Variants in NFIB observed in about 807,000 individuals in gnomAD.
NFIB encodes nuclear factor I B.
NFIB carries 11 observed loss-of-function variants against 61.5 expected under a neutral mutation model. The observed-to-expected ratio is 0.18, with a 90% CI of 0.11 to 0.30. NFIB has a LOEUF of 0.30. Ranked by LOEUF, NFIB falls within the 10% of genes least tolerant of loss-of-function variation. The pLI, the probability that NFIB is intolerant of heterozygous loss-of-function variation, is 1.00. For synonymous variants in NFIB, 260 were observed against 216.5 expected (o/e 1.20, Z -1.76); for missense variants, 471 against 608.9 (o/e 0.77, Z 2.38).
At chr9:14,528,395 G>C in the NFIB span, among the ~76,000 whole-genome samples, 1 of 152,096 alleles carries the variant, frequency 6.6e-6, no homozygotes, top group Non-Finnish European at 1.5e-5. Context: ...CAAATAAAAA[G>C]CACATTACAA....
chr9:14,342,554 T>G (rs1385627294), intron 1 of NFIB, among the ~76,000 whole-genome samples: 1 of 152,172 alleles, frequency 6.6e-6, no homozygotes, highest in Non-Finnish European at 1.5e-5. Context: ...GCTCGTTTAT[T>G]GAACCCAGGC....
chr9:14,491,743 C>T, the NFIB span, among the ~76,000 whole-genome samples: 380 of 152,224 alleles, frequency 2.5e-3, 3 homozygotes, highest in African/African-American at 8.5e-3. Flanking sequence ...CAAAGCCTCC[C>T]CCCTCCATTT....
chr9:14,125,790 A>C, intron 6 of NFIB, 24 bp from the exon 7 acceptor site: 1 of 1,611,830 alleles, frequency 6.2e-7, no homozygotes, highest in African/African-American at 1.3e-5. Context: ...AGAAAAACCC[A>C]AAGCTCCATG....
chr9:14,402,453 T>A (rs533544697), upstream of NFIB, among the ~76,000 whole-genome samples: 1 of 152,206 alleles, frequency 6.6e-6, no homozygotes, highest in Non-Finnish European at 1.5e-5. Flanking sequence ...TTTTTAATTA[T>A]GAGGAAATAA....
intron 2 of NFIB, among the ~76,000 whole-genome samples, chr9:14,215,032 C>T (rs10115397): frequency 0.32 from 47,965 of 152,132 alleles, 14,139 homozygotes; most frequent in African/African-American, 0.77. Context: ...TTACTTTTCA[C>T]TTTTACCTGT....
At chr9:14,267,293 A>C (rs1336649953) in intron 2 of NFIB, among the ~76,000 whole-genome samples, 1 of 152,198 alleles carries the variant, frequency 6.6e-6, no homozygotes, top group Non-Finnish European at 1.5e-5. Flanking sequence ...AAGCCAACCT[A>C]AGGTTAAATC....
At chr9:14,155,931 G>T in intron 3 of NFIB, 38 bp from the exon 4 acceptor site, 2 of 1,288,982 alleles carry the variant, frequency 1.6e-6, no homozygotes, top group Admixed American at 2.2e-5. Flanking sequence ...ATCAATATAA[G>T]CAGAAAGTAA....
chr9:14,427,934 G>GTGGTTTTTTTTTTTTT, the NFIB span, among the ~76,000 whole-genome samples: 1 of 25,946 alleles, frequency 3.9e-5, no homozygotes, highest in East Asian at 1.8e-3. Flanking sequence ...CTTTAATTCA[G>GTGGTTTTTTTTTTTTT]TTGTTTTTTT....
intron 2 of NFIB, among the ~76,000 whole-genome samples, chr9:14,248,818 A>G (rs1013035019): frequency 2.6e-5 from 4 of 152,184 alleles, no homozygotes; most frequent in Non-Finnish European, 5.9e-5. Context: ...TTTCCTCCCC[A>G]CTGGGTTTGC....
intron 2 of NFIB, among the ~76,000 whole-genome samples, chr9:14,249,321 A>G (rs2055308091): frequency 6.6e-6 from 1 of 152,208 alleles, no homozygotes; most frequent in African/African-American, 2.4e-5. Flanking sequence ...TGGAGATGAG[A>G]TACTACCTAA....
At chr9:14,274,726 C>G (rs1547106) in intron 2 of NFIB, among the ~76,000 whole-genome samples, 136,959 of 152,198 alleles carry the variant, frequency 0.9, 61,863 homozygotes, top group Non-Finnish European at 0.94. Flanking sequence ...AGAACTAAGT[C>G]GAACTGGGCT....
chr9:14,117,307 G>A (rs903127222), intron 8 of NFIB, among the ~76,000 whole-genome samples: 4 of 152,144 alleles, frequency 2.6e-5, no homozygotes, highest in Non-Finnish European at 5.9e-5. Context: ...AATAGTTTCC[G>A]TGGTAGGAAA....
At position 14,086,678 on chromosome 9, in the gene NFIB, C is replaced by T. The variant is rs182580365; in HGVS notation, c.*1631G>A. 9 of 213,646 alleles carry T rather than the reference C, an allele frequency of 4.2e-5. No homozygotes were observed. Among genetic ancestry groups the T allele is most frequent in the Admixed American group, 3.5e-4 (6 of 17,078 alleles). 13.2% of individuals were successfully genotyped at this position (213,646 alleles called of 1,614,324 possible). ...ATCCATGATGTCACACATTTTTCTTCGTCTGGAGTACAAAATATTTTGTCA... is the reference window on the plus strand; with the variant it reads ...ATCCATGATGTCACACATTTTTCTTTGTCTGGAGTACAAAATATTTTGTCA... On this transcript the variant is annotated 3_prime_UTR_variant, in exon 11 of 11. Coordinates refer to ENST00000380953, the MANE Select transcript of NFIB (RefSeq NM_001190737.2).
upstream of NFIB, among the ~76,000 whole-genome samples, chr9:14,315,791 T>G (rs1006063672): frequency 2.6e-5 from 4 of 151,628 alleles, no homozygotes; most frequent in South Asian, 8.3e-4. Context: ...TTGGGGTGGA[T>G]GGGGACGAGG....
chr9:14,257,527 G>A (rs2056338807), intron 2 of NFIB, among the ~76,000 whole-genome samples: 1 of 152,162 alleles, frequency 6.6e-6, no homozygotes, highest in Admixed American at 6.5e-5. Context: ...AGGCCAAGGT[G>A]GGTGGATCAC....
At chr9:14,168,776 A>C (rs1172924775) in intron 3 of NFIB, among the ~76,000 whole-genome samples, 8 of 152,226 alleles carry the variant, frequency 5.3e-5, no homozygotes, top group African/African-American at 1.7e-4. Flanking sequence ...AGAGTTATTA[A>C]GATTCAGCAT....
At chr9:14,330,769 C>T (rs2060811033) in intron 1 of NFIB, among the ~76,000 whole-genome samples, 1 of 152,030 alleles carries the variant, frequency 6.6e-6, no homozygotes, top group South Asian at 2.1e-4. Context: ...GAAGCTCGTA[C>T]ATTATGTACA....
At chr9:14,097,220 T>G (rs556700478) in intron 10 of NFIB, among the ~76,000 whole-genome samples, 4 of 152,178 alleles carry the variant, frequency 2.6e-5, no homozygotes, top group Non-Finnish European at 5.9e-5. Flanking sequence ...TACCAAACAA[T>G]GATCATGTGA....
chr9:14,319,353 C>G (rs1400761216), intron 1 of NFIB, among the ~76,000 whole-genome samples: 2 of 152,176 alleles, frequency 1.3e-5, no homozygotes, highest in South Asian at 2.1e-4. Flanking sequence ...AACAGAGATT[C>G]CCAACACTGT....
Sources: gnomAD v4.1 joint callset for allele counts (sites outside exome capture counted in the v4.1 genomes callset) on GRCh38, gnomAD v4.1.1 for gene constraint, MANE v1.5 for transcripts, NCBI Gene and HGNC (gene_info 2026-07-23, HGNC 2026-07-21) for gene names.